PEBP4: variants seen among roughly 807,000 people sequenced by gnomAD.
PEBP4 encodes the protein phosphatidylethanolamine-binding protein 4.
In PEBP4, 22 loss-of-function variants were observed where a neutral mutation model predicts 23.9. The observed-to-expected ratio is 0.92, with a 90% CI of 0.66 to 1.31. The LOEUF (loss-of-function observed/expected upper bound fraction) is 1.31. PEBP4 is among the 40% of genes most tolerant of loss of function. The pLI, the probability that PEBP4 is intolerant of heterozygous loss-of-function variation, is 0.00. For missense variants in PEBP4, 324 were observed against 281.7 expected, an observed-to-expected ratio of 1.15 and a Z score of -1.07; for synonymous variants, 112 against 99.3, an observed-to-expected ratio of 1.13 and a Z score of -0.76.
chr8:22,723,732 C>T (rs1305765910), intron 6 of PEBP4, among the ~76,000 whole-genome samples: 5 of 152,232 alleles, frequency 3.3e-5, no homozygotes, highest in African/African-American at 1.2e-4. Context: ...GTGCTGAGGG[C>T]ACCTGGGGAA....
At position 22,713,384 on chromosome 8, in the gene PEBP4, T is replaced by TCTC; in HGVS notation, c.667_669dup (p.Glu223dup). ...AAGCCGGCTATCTAGCAGGCAGCTA[T>TCTC]CTCCGCCTGGTTTTTGTGCTTGGGC... On this transcript the variant is annotated inframe_insertion, in exon 7 of 7. Coordinates refer to ENST00000256404, the MANE Select transcript of PEBP4 (RefSeq NM_144962.3). The TCTC allele has an allele frequency of 6.3e-7, 1 of 1,585,394 alleles. No individual in the cohort carries two copies. The highest frequency in any genetic ancestry group is 8.6e-7 in the Non-Finnish European group (1 of 1,167,146).
intron 3 of PEBP4, among the ~76,000 whole-genome samples, chr8:22,849,220 G>GTAT (rs201988355): frequency 0.011 from 1,654 of 144,468 alleles, 21 homozygotes; most frequent in Non-Finnish European, 0.018. Flanking sequence ...CCTTTAGAAG[G>GTAT]TAATTATTCT....
chr8:22,747,907 A>G (rs1458399147), intron 4 of PEBP4, among the ~76,000 whole-genome samples: 2 of 152,194 alleles, frequency 1.3e-5, no homozygotes, highest in Non-Finnish European at 2.9e-5. Flanking sequence ...GCAGGAGCCC[A>G]GGGCCGCGTG....
chr8:22,784,383 G>C (rs574043938), intron 4 of PEBP4, among the ~76,000 whole-genome samples: 2 of 152,172 alleles, frequency 1.3e-5, no homozygotes, highest in Non-Finnish European at 2.9e-5. Context: ...GAAGGGAAGG[G>C]ACAGAGTGTG....
rs146800022 is a variant in PEBP4 at position 22,743,861 on chromosome 8, G to A, written c.358-16641C>T. ...CAACACCTGAGCAGAACTAGACTCC[G>A]TGGAGGGTGGGGCTGGCCCGCTGAA... is the stretch of plus-strand genomic sequence containing the variant. On this transcript the variant is annotated intron_variant, in intron 4 of 6. Transcript: ENST00000256404. 4.4e-3 allele frequency among the ~76,000 whole-genome samples: 672 copies of A among 152,316 alleles called. 6 individuals carry two copies. Among genetic ancestry groups the A allele is most frequent in the African/African-American group, 0.015 (639 of 41,558 alleles).
rs545053928 is a variant in PEBP4, at chr8:22,726,733, C to T, written c.403+442G>A. Among the ~76,000 whole-genome samples, 15 of 152,368 alleles carry T rather than the reference C, an allele frequency of 9.8e-5. No homozygotes were observed. In the East Asian group the frequency reaches 1.5e-3, roughly 16 times the overall value. ...GGCCTGCTTGGTGCCCAAGCCCACGCTGCTTCACGGAACTGCAGGGCTAAG... is the reference window on the plus strand; with the variant it reads ...GGCCTGCTTGGTGCCCAAGCCCACGTTGCTTCACGGAACTGCAGGGCTAAG... On this transcript the variant is annotated intron_variant, in intron 5 of 6. Transcript: ENST00000256404.
intron 2 of PEBP4, among the ~76,000 whole-genome samples, chr8:22,923,655 GTGTT>G (rs1250634644): frequency 6.6e-6 from 1 of 152,146 alleles, no homozygotes; most frequent in African/African-American, 2.4e-5. Context: ...TATGGTCTGA[GTGTT>G]TGTGTCTCCT....
intron 2 of PEBP4, among the ~76,000 whole-genome samples, chr8:22,926,547 A>G (rs796366696): frequency 6.6e-6 from 1 of 151,438 alleles, no homozygotes; most frequent in Non-Finnish European, 1.5e-5. Context: ...GAGTCTCTCT[A>G]TGTTGCCCAG....
In PEBP4 at chr8:22,852,658, G is replaced by C. The variant is rs147412094; in HGVS notation, c.259-34923C>G. On this transcript the variant is annotated intron_variant, in intron 3 of 6. Coordinates refer to ENST00000256404, the MANE Select transcript of PEBP4 (RefSeq NM_144962.3). ...AATATGAATTATAGTTCCTGGCCGTGCAAAGTCCTCACTAAAAAGAAAAAA... is the reference window on the plus strand; with the variant it reads ...AATATGAATTATAGTTCCTGGCCGTCCAAAGTCCTCACTAAAAAGAAAAAA... 1.8e-4 allele frequency among the ~76,000 whole-genome samples: 28 copies of C among 151,842 alleles called. 1 individual carries two copies. The East Asian group carries it at 5.2e-3, about 28-fold the overall frequency.
chr8:22,836,376 T>G (rs1252817346), intron 3 of PEBP4, among the ~76,000 whole-genome samples: 1 of 152,240 alleles, frequency 6.6e-6, no homozygotes, highest in African/African-American at 2.4e-5. Flanking sequence ...TGACTTTTAC[T>G]CACAACAATA....
At chr8:22,788,003 C>A (rs1363355734) in intron 4 of PEBP4, among the ~76,000 whole-genome samples, 2 of 152,060 alleles carry the variant, frequency 1.3e-5, no homozygotes, top group African/African-American at 4.8e-5. Context: ...AACGGGCCCA[C>A]AGGCTTGGAG....
At chr8:22,725,999 A>ATGTGTGTGTG (rs10680983) in intron 5 of PEBP4, among the ~76,000 whole-genome samples, 12,971 of 146,286 alleles carry the variant, frequency 0.089, 684 homozygotes, top group East Asian at 0.14. Flanking sequence ...GATCAGATAT[A>ATGTGTGTGTG]TGTGTGTGTG....
chr8:22,806,695 G>A (rs974323391), intron 4 of PEBP4, among the ~76,000 whole-genome samples: 1 of 151,338 alleles, frequency 6.6e-6, no homozygotes, highest in African/African-American at 2.4e-5. Flanking sequence ...GGACCAACTA[G>A]AAGATTGGTA....
intron 3 of PEBP4, among the ~76,000 whole-genome samples, chr8:22,901,085 C>T (rs1563254398): frequency 6.6e-6 from 1 of 152,122 alleles, no homozygotes; most frequent in Non-Finnish European, 1.5e-5. Context: ...TGCTTGGTCC[C>T]CATAGATATC....
chr8:22,746,310 A>C (rs973502760), intron 4 of PEBP4, among the ~76,000 whole-genome samples: 1 of 152,138 alleles, frequency 6.6e-6, no homozygotes, highest in Admixed American at 6.5e-5. Flanking sequence ...AGGGCTGATC[A>C]ATTTGGAAGC....
intron 6 of PEBP4, among the ~76,000 whole-genome samples, chr8:22,720,577 C>G (rs1804497931): frequency 2.0e-5 from 3 of 152,342 alleles, no homozygotes; most frequent in Admixed American, 2.0e-4. Flanking sequence ...AGGGAGACAG[C>G]CCAGCATGTC....
At chr8:22,783,072 G>A (rs1805959460) in intron 4 of PEBP4, among the ~76,000 whole-genome samples, 1 of 152,216 alleles carries the variant, frequency 6.6e-6, no homozygotes, top group Non-Finnish European at 1.5e-5. Flanking sequence ...CTGCACACCT[G>A]GCTGGGTAGG....
chr8:22,739,754 A>G (rs1258275605), intron 4 of PEBP4, among the ~76,000 whole-genome samples: 1 of 152,066 alleles, frequency 6.6e-6, no homozygotes, highest in Non-Finnish European at 1.5e-5. Flanking sequence ...CTGGGTAAGA[A>G]TGGCCCCTCA....
intron 4 of PEBP4, chr8:22,758,203 TG>T (rs1382598008): frequency 1.3e-5 from 2 of 152,232 alleles, no homozygotes; most frequent in African/African-American, 4.8e-5. Flanking sequence ...ATTTTGAAGC[TG>T]GTGGGTCACA....
Sources: gnomAD v4.1 joint callset for allele counts (sites outside exome capture counted in the v4.1 genomes callset) on GRCh38, gnomAD v4.1.1 for gene constraint, MANE v1.5 for transcripts, NCBI Gene and HGNC (gene_info 2026-07-23, HGNC 2026-07-21) for gene names.